Variants in SMG6 observed in about 807,000 individuals in gnomAD.
SMG6 encodes telomerase-binding protein EST1A.
A neutral mutation model predicts 142.2 loss-of-function variants in SMG6; 66 were observed. The ratio of observed to expected loss-of-function variants is 0.46; its 90% confidence interval spans 0.38 to 0.57. The LOEUF is 0.57. Among genes scored for constraint, SMG6 ranks in the 20% least tolerant of loss-of-function variants. The probability of loss-of-function intolerance (pLI) is 0.00; values close to 1 mark genes in which losing one functional copy is unlikely to be tolerated. For missense variants in SMG6, 1,793 were observed against 1,832.0 expected (o/e 0.98, Z 0.39); for synonymous variants, 779 against 702.4 (o/e 1.11, Z -1.72).
chr17:2,193,711 G>C (rs558605176), intron 10 of SMG6, among the ~76,000 whole-genome samples: 1 of 152,320 alleles, frequency 6.6e-6, no homozygotes, highest in South Asian at 2.1e-4. Context: ...ACCTACTCAA[G>C]TAACTATAAT....
intron 9 of SMG6, among the ~76,000 whole-genome samples, chr17:2,240,927 C>G (rs932467118): frequency 1.3e-5 from 2 of 152,220 alleles, no homozygotes; most frequent in African/African-American, 4.8e-5. Flanking sequence ...AGGCAACAGT[C>G]TACGATGTTG....
chr17:2,266,052 C>CA, intron 8 of SMG6: 1 of 985,400 alleles, frequency 1.0e-6, no homozygotes, highest in Non-Finnish European at 1.2e-6. Flanking sequence ...AGGAAGAGCA[C>CA]AGAAATGCCT....
Position 2,293,580 on chromosome 17 carries a change from G to C in SMG6, c.2152-603C>G, listed in dbSNP as rs575513744. Among the ~76,000 whole-genome samples, 6 of 151,938 alleles carry C rather than the reference G, an allele frequency of 3.9e-5. No homozygotes were observed. In the East Asian group the frequency reaches 1.2e-3, roughly 29 times the overall value. On this transcript the variant is annotated intron_variant, in intron 4 of 18. Coordinates refer to ENST00000263073, the MANE Select transcript of SMG6 (RefSeq NM_017575.5). ...CACCTCCTGAGCTCAAGTGATTCTCGTGCCTCAGCCTCCTGAGTAACTGGG... is the reference window on the plus strand; with the variant it reads ...CACCTCCTGAGCTCAAGTGATTCTCCTGCCTCAGCCTCCTGAGTAACTGGG...
At chr17:2,075,961 C>T (rs1039157234) in intron 15 of SMG6, among the ~76,000 whole-genome samples, 24 of 152,178 alleles carry the variant, frequency 1.6e-4, no homozygotes, top group African/African-American at 5.3e-4. Flanking sequence ...TGTGCAACGC[C>T]GGAAGCAGGG....
chr17:2,301,263 T>C (rs2075271663), intron 1 of SMG6, among the ~76,000 whole-genome samples: 1 of 152,194 alleles, frequency 6.6e-6, no homozygotes, highest in Admixed American at 6.5e-5. Context: ...AAGATACCAA[T>C]TACCAAATAA....
intron 6 of SMG6, among the ~76,000 whole-genome samples, chr17:2,289,305 C>G (rs2074979188): frequency 6.6e-6 from 1 of 152,016 alleles, no homozygotes; most frequent in South Asian, 2.1e-4. Context: ...CCTGTAATCT[C>G]AGCAGTTTGG....
At chr17:2,264,578 A>C (rs1056239668) in intron 8 of SMG6, among the ~76,000 whole-genome samples, 2 of 152,176 alleles carry the variant, frequency 1.3e-5, no homozygotes, top group Non-Finnish European at 2.9e-5. Flanking sequence ...CAATTCTTAA[A>C]ATAGGTGTCA....
In SMG6 at chr17:2,068,524, C is replaced by T. The variant is rs1176353072; in HGVS notation, c.3835+254G>A. On this transcript the variant is annotated intron_variant, in intron 16 of 18. Coordinates refer to ENST00000263073, the MANE Select transcript of SMG6 (RefSeq NM_017575.5). This position sits in a 1 kb window ranked among gnomAD's most constrained non-coding sequence, Gnocchi z 6.7. ...TAAGGATAAAAACAAGGGCTGGGCTCATGCAGCCTCTGGTTGCTGGGACAC... is the reference window on the plus strand; with the variant it reads ...TAAGGATAAAAACAAGGGCTGGGCTTATGCAGCCTCTGGTTGCTGGGACAC... 6.6e-6 allele frequency among the ~76,000 whole-genome samples: 1 copy of T among 152,212 alleles called. No homozygotes were observed. Among genetic ancestry groups the T allele is most frequent in the Non-Finnish European group, 1.5e-5 (1 of 68,030 alleles).
intron 10 of SMG6, among the ~76,000 whole-genome samples, chr17:2,209,652 C>T (rs553921846): frequency 6.6e-6 from 1 of 152,262 alleles, no homozygotes; most frequent in East Asian, 1.9e-4. Flanking sequence ...GCATGAGCCA[C>T]TGCACCCAAT....
intron 12 of SMG6, 39 bp downstream of exon 12, chr17:2,186,624 C>T (rs759158411): frequency 1.4e-5 from 22 of 1,610,466 alleles, no homozygotes; most frequent in Non-Finnish European, 1.7e-5. Flanking sequence ...CGGGCAGGCC[C>T]AAGCCAGTGG....
At position 2,114,954 on chromosome 17, in the gene SMG6, A is replaced by AATAAAAC. The variant is rs5818847; in HGVS notation, c.3358-29054_3358-29053insGTTTTAT. 4.7e-5 allele frequency among the ~76,000 whole-genome samples: 4 copies of AATAAAAC among 85,036 alleles called. No homozygotes were observed. The South Asian group carries it at 1.3e-3, about 27-fold the overall frequency. 55.8% of individuals were successfully genotyped at this position (85,036 alleles called of 152,430 possible). The stretch of plus-strand genomic sequence containing the variant: ...AATAAAATAAAATAAAATAAAATAA[A>AATAAAAC]AAAATGAAATGAAATGAAATAAAAT... On this transcript the variant is annotated intron_variant, in intron 13 of 18. Coordinates refer to ENST00000263073, the MANE Select transcript of SMG6 (RefSeq NM_017575.5).
chr17:2,075,575 GCCACGCCT>G (rs2068235275), intron 15 of SMG6, among the ~76,000 whole-genome samples: 2 of 152,216 alleles, frequency 1.3e-5, no homozygotes, highest in African/African-American at 4.8e-5. Flanking sequence ...GTGCCAAGAG[GCCACGCCT>G]CATGCCTGGA....
chr17:2,076,696 G>A (rs942416189), intron 15 of SMG6, among the ~76,000 whole-genome samples: 7 of 152,332 alleles, frequency 4.6e-5, no homozygotes, highest in East Asian at 1.9e-4. Context: ...GCATTAAAGC[G>A]GGGTGGGGAA....
chr17:2,244,118 A>T (rs1417181113), intron 9 of SMG6, among the ~76,000 whole-genome samples: 1 of 152,224 alleles, frequency 6.6e-6, no homozygotes, highest in African/African-American at 2.4e-5. Context: ...TGAGATGTCT[A>T]TGGAAATCCA....
chr17:2,265,539 G>T (rs965265433), intron 8 of SMG6, among the ~76,000 whole-genome samples: 19 of 151,702 alleles, frequency 1.3e-4, no homozygotes, highest in Non-Finnish European at 2.2e-4. Flanking sequence ...CTTAAAAGGC[G>T]ATAACATTCT....
At chr17:2,210,230 C>T (rs922983693) in intron 10 of SMG6, among the ~76,000 whole-genome samples, 33 of 151,914 alleles carry the variant, frequency 2.2e-4, no homozygotes, top group African/African-American at 8.0e-4. Context: ...TCACAGTCTG[C>T]TTCCTGGGGG....
intron 13 of SMG6, among the ~76,000 whole-genome samples, chr17:2,116,423 C>T (rs574083261): frequency 6.6e-6 from 1 of 152,094 alleles, no homozygotes; most frequent in South Asian, 2.1e-4. Context: ...TAAAAAGATA[C>T]CATTAATACT....
intron 13 of SMG6, among the ~76,000 whole-genome samples, chr17:2,107,194 T>A (rs1476725548): frequency 2.0e-5 from 3 of 152,122 alleles, no homozygotes; most frequent in African/African-American, 7.2e-5. Flanking sequence ...AAGTTCCCTG[T>A]CTTCCCATGG....
intron 4 of SMG6, 133 bp downstream of exon 4, chr17:2,297,110 C>A: frequency 3.8e-6 from 2 of 527,722 alleles, no homozygotes; most frequent in Non-Finnish European, 6.6e-6. Flanking sequence ...TTGGTTTAAT[C>A]TATCTGTCCC....
Sources: gnomAD v4.1 joint callset for allele counts (sites outside exome capture counted in the v4.1 genomes callset) on GRCh38, gnomAD v4.1.1 for gene constraint, Gnocchi (gnomAD v3.1) non-coding constraint, MANE v1.5 for transcripts, NCBI Gene and HGNC (gene_info 2026-07-23, HGNC 2026-07-21) for gene names.